Variants in SPTLC2 observed in about 807,000 individuals in gnomAD.
SPTLC2 encodes serine palmitoyltransferase 2.
SPTLC2 carries 21 observed loss-of-function variants against 62.0 expected under a neutral mutation model. That is an observed-to-expected ratio of 0.34 (90% CI 0.24 to 0.49). The LOEUF (loss-of-function observed/expected upper bound fraction) is 0.49. SPTLC2 is among the 20% of genes least tolerant of loss of function. The pLI, the probability that SPTLC2 is intolerant of heterozygous loss-of-function variation, is 0.99. For missense variants in SPTLC2, 511 were observed against 713.0 expected, an observed-to-expected ratio of 0.72 and a Z score of 3.23; for synonymous variants, 261 against 261.8, an observed-to-expected ratio of 1.00 and a Z score of 0.03.
intron 1 of SPTLC2, among the ~76,000 whole-genome samples, chr14:77,598,079 G>C (rs1005226615): frequency 5.6e-5 from 8 of 142,312 alleles, no homozygotes; most frequent in Non-Finnish European, 3.0e-5. Flanking sequence ...CCGAGATCAA[G>C]CCATTGCACT....
At chr14:77,536,923 C>CT (rs201472760) in intron 9 of SPTLC2, among the ~76,000 whole-genome samples, 2 of 149,168 alleles carry the variant, frequency 1.3e-5, no homozygotes, top group African/African-American at 5.0e-5. Flanking sequence ...ATTCCCCCAC[C>CT]CCCCCACTTC....
chr14:77,555,506 T>C lies in SPTLC2; in HGVS notation c.970A>G (p.Ile324Val), dbSNP rs1488039133. Residue 324 changes from isoleucine (I) to valine (V), a missense_variant, in exon 8 of 12, where the codon ATT (isoleucine) becomes GTT (valine). By Grantham distance (29) the Ile-to-Val change is conservative. Coordinates refer to ENST00000216484, the MANE Select transcript of SPTLC2 (RefSeq NM_004863.4). ...VEGIYSMEGS[I>V]VRLPEVIALK... ...GCAATCACTTCAGGAAGACGAACAA[T>C]AGATCCCTCCATGCTGGCAAAACAT... 14 of 1,614,024 alleles carry C rather than the reference T, an allele frequency of 8.7e-6. No homozygotes were observed. Among genetic ancestry groups the C allele is most frequent in the African/African-American group, 1.3e-5 (1 of 74,926 alleles).
At chr14:77,587,603 T>C (rs1244961996) in intron 2 of SPTLC2, among the ~76,000 whole-genome samples, 1 of 151,854 alleles carries the variant, frequency 6.6e-6, no homozygotes, top group East Asian at 1.9e-4. Context: ...CCGTCTCTAC[T>C]ATAAATACAA....
chr14:77,514,608 C>G (rs2079349763), intron 11 of SPTLC2, among the ~76,000 whole-genome samples: 1 of 152,228 alleles, frequency 6.6e-6, no homozygotes, highest in South Asian at 2.1e-4. Context: ...GAGCCAATAT[C>G]CTTGCGCTTC....
At chr14:77,544,840 T>C (rs936852922) in intron 9 of SPTLC2, among the ~76,000 whole-genome samples, 1 of 152,214 alleles carries the variant, frequency 6.6e-6, no homozygotes, top group African/African-American at 2.4e-5. Context: ...CTACCCCTGG[T>C]ATCTTATCAC....
intron 4 of SPTLC2, among the ~76,000 whole-genome samples, chr14:77,575,452 T>C (rs183386448): frequency 8.5e-5 from 13 of 152,264 alleles, no homozygotes; most frequent in Admixed American, 5.9e-4. Flanking sequence ...TAGCGACGCT[T>C]TGGCCAATAG....
intron 1 of SPTLC2, among the ~76,000 whole-genome samples, chr14:77,603,755 C>A (rs558082874): frequency 6.6e-6 from 1 of 152,164 alleles, no homozygotes; most frequent in Non-Finnish European, 1.5e-5. Context: ...TGGAGTGGAA[C>A]ATTTCCATTT....
intron 9 of SPTLC2, among the ~76,000 whole-genome samples, chr14:77,526,336 A>C (rs796312475): frequency 1.8e-4 from 28 of 152,360 alleles, no homozygotes; most frequent in African/African-American, 6.5e-4. Flanking sequence ...CAAAGAAGAA[A>C]GTTTAGCACT....
At chr14:77,600,835 A>C (rs1157005389) in intron 1 of SPTLC2, among the ~76,000 whole-genome samples, 3 of 152,232 alleles carry the variant, frequency 2.0e-5, no homozygotes, top group Admixed American at 2.0e-4. Context: ...CACCATCATA[A>C]AACACATTAC....
intron 11 of SPTLC2, among the ~76,000 whole-genome samples, chr14:77,516,544 G>C (rs928489619): frequency 2.6e-5 from 4 of 151,620 alleles, no homozygotes; most frequent in Non-Finnish European, 5.9e-5. Context: ...AAATCTCTAG[G>C]TTAAAAAAAA....
intron 6 of SPTLC2, among the ~76,000 whole-genome samples, chr14:77,558,553 G>A (rs774508709): frequency 8.6e-5 from 13 of 151,952 alleles, no homozygotes; most frequent in Non-Finnish European, 1.6e-4. Flanking sequence ...ATCTGCATAC[G>A]ACCTAATCAA....
intron 9 of SPTLC2, among the ~76,000 whole-genome samples, chr14:77,543,709 C>G (rs2079513923): frequency 6.6e-6 from 1 of 152,184 alleles, no homozygotes; most frequent in South Asian, 2.1e-4. Context: ...CCACAGATCT[C>G]TGAATGCTTA....
intron 2 of SPTLC2, among the ~76,000 whole-genome samples, chr14:77,590,972 G>A (rs1275121868): frequency 1.3e-5 from 2 of 152,096 alleles, no homozygotes; most frequent in Non-Finnish European, 2.9e-5. Flanking sequence ...AGTCCAAACG[G>A]ATACAGAGGT....
intron 2 of SPTLC2, among the ~76,000 whole-genome samples, chr14:77,582,687 C>T (rs2079758471): frequency 6.6e-6 from 1 of 152,176 alleles, no homozygotes; most frequent in Admixed American, 6.5e-5. Context: ...TTGTGCCTGC[C>T]ATGGTCAGGC....
chr14:77,542,365 G>A (rs1389819737), intron 9 of SPTLC2, among the ~76,000 whole-genome samples: 2 of 151,956 alleles, frequency 1.3e-5, no homozygotes, highest in African/African-American at 4.8e-5. Flanking sequence ...CTAACTAAAT[G>A]GCACTGGAAA....
At chr14:77,540,533 G>A (rs2079495417) in intron 9 of SPTLC2, among the ~76,000 whole-genome samples, 1 of 152,106 alleles carries the variant, frequency 6.6e-6, no homozygotes, top group Non-Finnish European at 1.5e-5. Context: ...GGAGTGCAGT[G>A]GTGTGATCTT....
chr14:77,512,632 T>G (rs1477687732), intron 11 of SPTLC2, among the ~76,000 whole-genome samples: 1 of 152,236 alleles, frequency 6.6e-6, no homozygotes, highest in Non-Finnish European at 1.5e-5. Flanking sequence ...GTATGCAGAA[T>G]AAAGGCTATA....
At chr14:77,602,701 G>C (rs1437468427) in intron 1 of SPTLC2, among the ~76,000 whole-genome samples, 1 of 151,986 alleles carries the variant, frequency 6.6e-6, no homozygotes, top group Non-Finnish European at 1.5e-5. Flanking sequence ...AGCACAATAA[G>C]AGATTAACAT....
At chr14:77,522,513 A>G (rs2079389692) in intron 9 of SPTLC2, among the ~76,000 whole-genome samples, 1 of 152,236 alleles carries the variant, frequency 6.6e-6, no homozygotes, top group African/African-American at 2.4e-5. Flanking sequence ...GTAATAGTAT[A>G]AAATCGTATC....
Sources: allele counts gnomAD v4.1 joint callset (sites outside exome capture counted in the v4.1 genomes callset), GRCh38; gene constraint gnomAD v4.1.1; transcripts MANE v1.5; gene names NCBI Gene and HGNC (gene_info 2026-07-23, HGNC 2026-07-21).